IMMP2L: variants seen among roughly 807,000 people sequenced by gnomAD.
IMMP2L encodes the protein mitochondrial inner membrane protease subunit 2.
In IMMP2L, 18 loss-of-function variants were observed where a neutral mutation model predicts 19.3. The ratio of observed to expected loss-of-function variants is 0.93; its 90% CI spans 0.64 to 1.38. IMMP2L has a LOEUF of 1.38. Among genes scored for constraint, IMMP2L ranks in the 40% most tolerant of loss-of-function variants. IMMP2L has a pLI of 0.00. For synonymous variants in IMMP2L, 76 were observed against 73.0 expected, an observed-to-expected ratio of 1.04 and a Z score of -0.21; for missense variants, 233 against 218.2, an observed-to-expected ratio of 1.07 and a Z score of -0.43.
chr7:111,123,455 C>A lies in IMMP2L; in HGVS notation c.240-159890G>T. The A allele has an allele frequency of 6.2e-7, 1 of 1,613,400 alleles. No individual in the cohort carries two copies. Among genetic ancestry groups the A allele is most frequent in the Non-Finnish European group, 8.5e-7 (1 of 1,179,820 alleles). ...GCTGGTATAAACCTCACAGAAATAC[C>A]AGATAACGCCTTGGTTGGACTGGAA... On this transcript the variant is annotated intron_variant, in intron 3 of 5. Coordinates refer to ENST00000405709, the MANE Select transcript of IMMP2L (RefSeq NM_032549.4). This position sits in a 1 kb window ranked among gnomAD's most constrained non-coding sequence, Gnocchi z 6.4.
rs58212392 is a variant in IMMP2L, at chr7:111,287,548, C to CA, written c.239+199689dup. On this transcript the variant is annotated intron_variant, in intron 3 of 5. Transcript: ENST00000405709. ...GTTCCACAAAATCAAGAATCCACAC[C>CA]AAAAAAAAAAAATAAACAAACAAAA... is the stretch of plus-strand genomic sequence containing the variant. Among the ~76,000 whole-genome samples, 488 of 144,980 alleles carry CA rather than the reference C, an allele frequency of 3.4e-3. 2 individuals carry two copies. Among genetic ancestry groups the CA allele is most frequent in the African/African-American group, 1.0e-2 (395 of 39,544 alleles).
Position 111,218,170 on chromosome 7 carries a change from T to C in IMMP2L, c.240-254605A>G, listed in dbSNP as rs1234204815. Among the ~76,000 whole-genome samples the C allele has an allele frequency of 9.2e-5, 14 of 152,098 alleles. No homozygotes were observed. In the East Asian group the frequency reaches 1.7e-3, roughly 19 times the overall value. On this transcript the variant is annotated intron_variant, in intron 3 of 5. Coordinates refer to ENST00000405709, the MANE Select transcript of IMMP2L (RefSeq NM_032549.4). ...AGCATTTATGGTCTTAGTAAACAAA[T>C]AGCAAAATATAAACAAGTGTCCCAA...
chr7:110,878,489 C>T (rs971263395), intron 5 of IMMP2L, among the ~76,000 whole-genome samples: 2 of 151,832 alleles, frequency 1.3e-5, no homozygotes, highest in Non-Finnish European at 2.9e-5. Context: ...TACAAAAAAT[C>T]TTTTGGAAAG....
At chr7:110,698,174 C>T (rs1794014038) in intron 5 of IMMP2L, among the ~76,000 whole-genome samples, 1 of 152,112 alleles carries the variant, frequency 6.6e-6, no homozygotes. Context: ...AACTCTCCAC[C>T]ATAGTCACTG....
intron 3 of IMMP2L, among the ~76,000 whole-genome samples, chr7:111,444,742 T>C (rs1438507517): frequency 1.3e-5 from 2 of 151,988 alleles, no homozygotes; most frequent in African/African-American, 2.4e-5. Context: ...TGATAATGAA[T>C]ATACCTAAAA....
chr7:111,077,463 A>C (rs1795511693), intron 3 of IMMP2L, among the ~76,000 whole-genome samples: 1 of 152,218 alleles, frequency 6.6e-6, no homozygotes, highest in African/African-American at 2.4e-5. Context: ...AGTCTGACTT[A>C]AATCCTCTTT....
rs549860644 is a variant in IMMP2L at position 110,850,950 on chromosome 7, A to T, written c.408+35643T>A. ...AAAAGACATGGAAAAACAATTTGCT[A>T]AAGAAAAAAAAGATTAATAACCATG... On this transcript the variant is annotated intron_variant, in intron 5 of 5. Transcript: ENST00000405709. 3.3e-5 allele frequency among the ~76,000 whole-genome samples: 5 copies of T among 152,136 alleles called. No homozygotes were observed. In the East Asian group the frequency reaches 9.7e-4, roughly 29 times the overall value.
At chr7:110,995,586 A>C (rs988959975) in intron 3 of IMMP2L, among the ~76,000 whole-genome samples, 1 of 152,154 alleles carries the variant, frequency 6.6e-6, no homozygotes. Context: ...AACAGTTGTT[A>C]AAATGTTTGG....
chr7:111,292,869 C>T (rs1821257916), intron 3 of IMMP2L, among the ~76,000 whole-genome samples: 1 of 151,946 alleles, frequency 6.6e-6, no homozygotes, highest in African/African-American at 2.4e-5. Context: ...ATTTTATCTT[C>T]TTTATGGAAC....
intron 3 of IMMP2L, among the ~76,000 whole-genome samples, chr7:111,020,241 A>G (rs1442900182): frequency 1.3e-5 from 2 of 151,910 alleles, no homozygotes; most frequent in African/African-American, 4.8e-5. Context: ...AAAATTAGCC[A>G]GGCATGGTGG....
chr7:111,447,317 A>G (rs200415455), intron 3 of IMMP2L, among the ~76,000 whole-genome samples: 46,922 of 88,750 alleles, frequency 0.53, 13,120 homozygotes, highest in African/African-American at 0.69. Context: ...GAAAGGTCGG[A>G]TTACCCTCAA....
chr7:110,742,105 G>C (rs1797026657), intron 5 of IMMP2L, among the ~76,000 whole-genome samples: 1 of 152,226 alleles, frequency 6.6e-6, no homozygotes, highest in African/African-American at 2.4e-5. Flanking sequence ...TAGCATGTGA[G>C]AACAACAGTA....
rs1563003863 is a variant in IMMP2L at position 111,281,128 on chromosome 7, AAGAGAGAAAGACAGAAAGACAGAAAGAC to A, written c.239+206082_239+206109del. 2.0e-3 allele frequency among the ~76,000 whole-genome samples: 148 copies of A among 74,942 alleles called. 8 individuals carry two copies. Among genetic ancestry groups the A allele is most frequent in the African/African-American group, 8.7e-3 (143 of 16,368 alleles). 49.2% of individuals were successfully genotyped at this position (74,942 alleles called of 152,430 possible). On this transcript the variant is annotated intron_variant, in intron 3 of 5. Transcript: ENST00000405709. ...AAAGAGAGAAAGAGAGAAAGAGAGA[AAGAGAGAAAGACAGAAAGACAGAAAGAC>A]AGAAAGAAAGAAAGAAAGAAAGAAA...
At chr7:111,500,092 G>T (rs1484356283) in intron 2 of IMMP2L, among the ~76,000 whole-genome samples, 1 of 151,954 alleles carries the variant, frequency 6.6e-6, no homozygotes, top group East Asian at 1.9e-4. Flanking sequence ...TGGAAAATCG[G>T]GTCACTCCCA....
At chr7:111,520,922 C>T (rs1846270549) in intron 2 of IMMP2L, among the ~76,000 whole-genome samples, 2 of 152,034 alleles carry the variant, frequency 1.3e-5, no homozygotes, top group African/African-American at 4.8e-5. Flanking sequence ...AATCATATAC[C>T]TATATAACAA....
chr7:110,999,195 A>G (rs1363169014), intron 3 of IMMP2L, among the ~76,000 whole-genome samples: 1 of 152,054 alleles, frequency 6.6e-6, no homozygotes, highest in African/African-American at 2.4e-5. Context: ...GTGTTCTAAA[A>G]ATTAAATATG....
Position 110,760,654 on chromosome 7 carries a change from A to C in IMMP2L, c.409-96933T>G, listed in dbSNP as rs1441669544. Among the ~76,000 whole-genome samples the C allele has an allele frequency of 1.3e-5, 2 of 152,170 alleles. No homozygotes were observed. The highest frequency in any genetic ancestry group is 2.9e-5 in the Non-Finnish European group (2 of 68,036). On this transcript the variant is annotated intron_variant, in intron 5 of 5. Transcript: ENST00000405709. This position sits in a 1 kb window ranked among gnomAD's most constrained non-coding sequence, Gnocchi z 4.2. ...GGTTACGTTTTCCTTCCAACATATC[A>C]CAGAATTGAATCTTTTTTGGTCTGT...
chr7:110,902,604 G>A (rs73425075), intron 4 of IMMP2L, among the ~76,000 whole-genome samples: 8,151 of 151,100 alleles, frequency 0.054, 288 homozygotes, highest in African/African-American at 0.096. Context: ...GGGATGGACC[G>A]TAGAGAGACT....
intron 4 of IMMP2L, among the ~76,000 whole-genome samples, chr7:110,939,655 T>C (rs1386976951): frequency 6.6e-6 from 1 of 152,126 alleles, no homozygotes; most frequent in Admixed American, 6.6e-5. Flanking sequence ...AACAAATATA[T>C]GTCCTTTAGA....
Sources: allele counts gnomAD v4.1 joint callset (sites outside exome capture counted in the v4.1 genomes callset), GRCh38; gene constraint gnomAD v4.1.1; non-coding constraint Gnocchi (gnomAD v3.1); transcripts MANE v1.5; gene names NCBI Gene and HGNC (gene_info 2026-07-23, HGNC 2026-07-21).